KLRG1: variants seen among roughly 807,000 people sequenced by gnomAD.
KLRG1 encodes killer cell lectin-like receptor subfamily G member 1.
KLRG1 carries 16 observed loss-of-function variants against 21.8 expected under a neutral mutation model. The ratio of observed to expected loss-of-function variants is 0.73; its 90% CI spans 0.50 to 1.11. KLRG1 has a LOEUF of 1.11. KLRG1 is among the 50% of genes most tolerant of loss of function. KLRG1 has a pLI of 0.00. For synonymous variants in KLRG1, 69 were observed against 75.9 expected, an observed-to-expected ratio of 0.91 and a Z score of 0.47; for missense variants, 173 against 218.3, an observed-to-expected ratio of 0.79 and a Z score of 1.31.
chr12:8,975,914 TA>T (rs1441739106), intron 1 of KLRG1, among the ~76,000 whole-genome samples: 1 of 152,162 alleles, frequency 6.6e-6, no homozygotes, highest in African/African-American at 2.4e-5. Flanking sequence ...TTTCAAAAAA[TA>T]AACTCTTGGT....
chr12:9,069,122 G>T, the KLRG1 span: 1 of 241,434 alleles, frequency 4.1e-6, no homozygotes, highest in Non-Finnish European at 7.9e-6. Flanking sequence ...GACTAACTGT[G>T]TTCATTTTTT....
At chr12:9,066,568 G>C in the KLRG1 span, 2 of 152,354 alleles carry the variant, frequency 1.3e-5, no homozygotes, top group African/African-American at 4.8e-5. Context: ...CAGGTTGGTA[G>C]CAAGTGCGAG....
At chr12:9,014,876 G>T (rs1209867638), downstream of KLRG1, among the ~76,000 whole-genome samples, 2 of 152,024 alleles carry the variant, frequency 1.3e-5, no homozygotes, top group African/African-American at 2.4e-5. Flanking sequence ...AAGTTAAAGT[G>T]TAGAGTTTTT....
At chr12:9,137,122 A>T in the KLRG1 span, among the ~76,000 whole-genome samples, 57 of 152,250 alleles carry the variant, frequency 3.7e-4, 2 homozygotes, top group African/African-American at 1.3e-3. Context: ...ATCATAAAGC[A>T]TGTCTTTTAT....
chr12:9,018,988 T>G, the KLRG1 span, among the ~76,000 whole-genome samples: 1 of 152,094 alleles, frequency 6.6e-6, no homozygotes, highest in Non-Finnish European at 1.5e-5. Context: ...AGAGATAACC[T>G]ATGGAATGGG....
At chr12:9,185,861 G>A in the KLRG1 span, among the ~76,000 whole-genome samples, 47 of 121,796 alleles carry the variant, frequency 3.9e-4, no homozygotes, top group African/African-American at 1.6e-3. Flanking sequence ...AGGCTGGAGT[G>A]CAGTGGCATG....
At chr12:8,992,365 A>C in intron 2 of KLRG1, 55 bp downstream of exon 2, 1 of 1,248,902 alleles carries the variant, frequency 8.0e-7, no homozygotes, top group Middle Eastern at 2.0e-4. Flanking sequence ...TAAAAGCAAT[A>C]TAACATAGCA....
At chr12:9,003,847 TC>T (rs1947380751) in intron 3 of KLRG1, among the ~76,000 whole-genome samples, 1 of 151,006 alleles carries the variant, frequency 6.6e-6, no homozygotes, top group African/African-American at 2.4e-5. Context: ...ATGCTATCCC[TC>T]CCCCCTTCCC....
chr12:9,153,321 G>T, the KLRG1 span: 2 of 1,613,658 alleles, frequency 1.2e-6, no homozygotes, highest in Non-Finnish European at 8.5e-7. Context: ...CCTGGACAGG[G>T]CATGGAGAGC....
At chr12:9,152,100 G>T in the KLRG1 span, 1 of 794,644 alleles carries the variant, frequency 1.3e-6, no homozygotes, top group Non-Finnish European at 2.1e-6. Context: ...TCCTGGGTTT[G>T]GGAAAAATAT....
chr12:9,027,756 A>G, the KLRG1 span: 435,819 of 1,357,626 alleles, frequency 0.32, 71,902 homozygotes, highest in Admixed American at 0.41. Context: ...TACCAAATCC[A>G]TTATAGCCAT....
the KLRG1 span, chr12:9,163,841 C>A: frequency 3.8e-6 from 6 of 1,567,668 alleles, no homozygotes; most frequent in Admixed American, 1.2e-4. Flanking sequence ...AGTCCAATCA[C>A]CTTTAAGGGC....
the KLRG1 span, chr12:9,160,141 A>G: frequency 4.1e-4 from 488 of 1,177,500 alleles, 1 homozygote; most frequent in African/African-American, 6.5e-3. Context: ...GTGATCTGCC[A>G]TAGTTTTGTG....
chr12:9,165,347 A>G, the KLRG1 span: 1 of 1,614,060 alleles, frequency 6.2e-7, no homozygotes, highest in Non-Finnish European at 8.5e-7. Context: ...TGTTACTCCT[A>G]CCTCAGCCAC....
the KLRG1 span, among the ~76,000 whole-genome samples, chr12:9,215,470 A>G: frequency 1.3e-5 from 2 of 152,030 alleles, no homozygotes; most frequent in African/African-American, 4.8e-5. Flanking sequence ...TACGTTTTTA[A>G]TAAATACGAA....
chr12:9,192,384 G>T, the KLRG1 span: 2 of 1,278,674 alleles, frequency 1.6e-6, no homozygotes, highest in Non-Finnish European at 2.2e-6. Flanking sequence ...AAAACTCATG[G>T]AATGAAGGAC....
chr12:9,083,925 CAGA>C, the KLRG1 span, among the ~76,000 whole-genome samples: 2 of 151,978 alleles, frequency 1.3e-5, no homozygotes, highest in Non-Finnish European at 2.9e-5. Context: ...TTCTGAAAAG[CAGA>C]AGGTGATAAA....
At chr12:9,192,618 G>A in the KLRG1 span, 1 of 1,614,152 alleles carries the variant, frequency 6.2e-7, no homozygotes, top group Non-Finnish European at 8.5e-7. Context: ...ACCAGCCACA[G>A]GCTCCAGGTG....
intron 4 of KLRG1, 133 bp downstream of exon 4, chr12:9,009,208 C>A (rs3741854): frequency 0.34 from 237,497 of 700,170 alleles, 37,473 homozygotes; most frequent in East Asian, 0.45. Context: ...AAATAGGGAA[C>A]AAGGAAGGGA....
Sources: gnomAD v4.1 joint callset for allele counts (sites outside exome capture counted in the v4.1 genomes callset) on GRCh38, gnomAD v4.1.1 for gene constraint, MANE v1.5 for transcripts, NCBI Gene and HGNC (gene_info 2026-07-23, HGNC 2026-07-21) for gene names.